The following BRD10 variants were observed in gnomAD, a reference collection of about 807,000 sequenced individuals.
The protein encoded by BRD10 is uncharacterized bromodomain-containing protein 10.
At chr9:5,951,932 C>T in the BRD10 span, among the ~76,000 whole-genome samples, 1 of 151,202 alleles carries the variant, frequency 6.6e-6, no homozygotes, top group Non-Finnish European at 1.5e-5. Flanking sequence ...TCCTCTCTAT[C>T]CTCTCTCTCT....
At chr9:5,923,158 C>G in the BRD10 span, 4 of 1,613,978 alleles carry the variant, frequency 2.5e-6, no homozygotes, top group South Asian at 1.1e-5. Flanking sequence ...TTGGAGAAAG[C>G]TCTTTTGTGC....
the BRD10 span, among the ~76,000 whole-genome samples, chr9:5,957,466 C>A: frequency 6.6e-6 from 1 of 152,078 alleles, no homozygotes; most frequent in Non-Finnish European, 1.5e-5. Flanking sequence ...TAGGTATTAC[C>A]TCACTTATCA....
chr9:5,920,158 T>C, the BRD10 span: 8 of 1,613,994 alleles, frequency 5.0e-6, no homozygotes, highest in South Asian at 7.7e-5. Flanking sequence ...AATTATTTGA[T>C]GCTAGTGTGA....
chr9:5,921,926 A>G, the BRD10 span: 1 of 1,614,022 alleles, frequency 6.2e-7, no homozygotes, highest in Non-Finnish European at 8.5e-7. Context: ...GCTAGCTGGA[A>G]TGGAAACAGA....
chr9:5,949,562 C>G, the BRD10 span, among the ~76,000 whole-genome samples: 1 of 152,112 alleles, frequency 6.6e-6, no homozygotes, highest in Non-Finnish European at 1.5e-5. Flanking sequence ...TAAGTCTTAG[C>G]AGCTGGATTC....
chr9:6,006,567 G>A, the BRD10 span, among the ~76,000 whole-genome samples: 1 of 152,140 alleles, frequency 6.6e-6, no homozygotes, highest in Non-Finnish European at 1.5e-5. Flanking sequence ...ATTTCTGGTA[G>A]AATAAACATA....
chr9:5,885,157 C>T, the BRD10 span, among the ~76,000 whole-genome samples: 1 of 152,198 alleles, frequency 6.6e-6, no homozygotes, highest in Non-Finnish European at 1.5e-5. Flanking sequence ...TCGCCACTAT[C>T]CCCTCACCAT....
the BRD10 span, among the ~76,000 whole-genome samples, chr9:5,896,357 C>A: frequency 6.6e-6 from 1 of 152,214 alleles, no homozygotes; most frequent in African/African-American, 2.4e-5. Flanking sequence ...TAGGTCTCAG[C>A]TTCCTGATCT....
chr9:5,920,880 T>C, the BRD10 span: 1 of 1,614,002 alleles, frequency 6.2e-7, no homozygotes, highest in East Asian at 2.2e-5. Flanking sequence ...GCCACAGTGT[T>C]TCCGAGACTT....
the BRD10 span, among the ~76,000 whole-genome samples, chr9:5,884,529 G>C: frequency 1.3e-5 from 2 of 152,180 alleles, no homozygotes; most frequent in Non-Finnish European, 2.9e-5. Context: ...CGAAGTTATG[G>C]TTGGTGAATG....
the BRD10 span, chr9:5,933,897 A>C: frequency 2.1e-6 from 1 of 465,140 alleles, no homozygotes; most frequent in Non-Finnish European, 4.4e-6. Flanking sequence ...AAGGAAAAAA[A>C]GAGGGACATA....
At chr9:5,924,281 C>T in the BRD10 span, among the ~76,000 whole-genome samples, 1 of 151,292 alleles carries the variant, frequency 6.6e-6, no homozygotes. Context: ...ATAATGACTC[C>T]AAGAAACTTT....
chr9:5,937,528 C>A, the BRD10 span, among the ~76,000 whole-genome samples: 1 of 152,086 alleles, frequency 6.6e-6, no homozygotes, highest in East Asian at 1.9e-4. Context: ...GAACAAGACT[C>A]CGTTTACAAA....
At chr9:5,921,360 G>A in the BRD10 span, 3 of 1,613,976 alleles carry the variant, frequency 1.9e-6, no homozygotes, top group South Asian at 2.2e-5. Flanking sequence ...ACTATTTGGG[G>A]TTGCTCTGGA....
chr9:5,995,207 T>A, the BRD10 span, among the ~76,000 whole-genome samples: 1 of 152,164 alleles, frequency 6.6e-6, no homozygotes, highest in Non-Finnish European at 1.5e-5. Context: ...GCCCAAATGC[T>A]ACCACTATTC....
chr9:5,930,369 T>TTTTATATATA, the BRD10 span, among the ~76,000 whole-genome samples: 275 of 135,518 alleles, frequency 2.0e-3, 7 homozygotes, highest in Middle Eastern at 0.052. Flanking sequence ...TATAAGGAGA[T>TTTTATATATA]TATATATATA....
chr9:5,906,777 C>A, the BRD10 span: 1 of 653,432 alleles, frequency 1.5e-6, no homozygotes, highest in Non-Finnish European at 2.6e-6. Flanking sequence ...AAGTAAGTGG[C>A]AGAACCTAGA....
chr9:5,942,457 C>G, the BRD10 span, among the ~76,000 whole-genome samples: 1 of 152,094 alleles, frequency 6.6e-6, no homozygotes, highest in East Asian at 1.9e-4. Flanking sequence ...CATTTCATAA[C>G]ATAAACATTC....
chr9:5,969,877 C>A, the BRD10 span, among the ~76,000 whole-genome samples: 1,443 of 152,182 alleles, frequency 9.5e-3, 17 homozygotes, highest in African/African-American at 0.027. Flanking sequence ...TACAAAGTGT[C>A]TCATAACAGT....
Sources: gnomAD v4.1 joint callset for allele counts (sites outside exome capture counted in the v4.1 genomes callset) on GRCh38, gnomAD v4.1.1 for gene constraint, MANE v1.5 for transcripts, NCBI Gene and HGNC (gene_info 2026-07-23, HGNC 2026-07-21) for gene names.